The following SKAP2 variants were observed in gnomAD, a reference collection of about 807,000 sequenced individuals.
The protein encoded by SKAP2 is src kinase associated phosphoprotein 2, also known as src kinase-associated phosphoprotein 2.
SKAP2 carries 28 observed loss-of-function variants against 54.9 expected under a neutral mutation model. That is an observed-to-expected ratio of 0.51 (90% CI 0.38 to 0.70). The LOEUF (loss-of-function observed/expected upper bound fraction) is 0.70. Ranked by LOEUF, SKAP2 falls within the 30% of genes least tolerant of loss-of-function variation. The probability of loss-of-function intolerance (pLI) is 0.00; values close to 1 mark genes in which losing one functional copy is unlikely to be tolerated. For missense variants in SKAP2, 356 were observed against 424.1 expected, an observed-to-expected ratio of 0.84 and a Z score of 1.41; for synonymous variants, 137 against 134.3, an observed-to-expected ratio of 1.02 and a Z score of -0.14.
At chr7:26,792,087 T>C (rs1783682391) in intron 4 of SKAP2, among the ~76,000 whole-genome samples, 1 of 152,160 alleles carries the variant, frequency 6.6e-6, no homozygotes, top group African/African-American at 2.4e-5. Context: ...AGAAGCCAGA[T>C]TTCTCTGGCT....
At chr7:26,760,004 C>CAA (rs1782888962) in intron 4 of SKAP2, among the ~76,000 whole-genome samples, 4 of 152,126 alleles carry the variant, frequency 2.6e-5, no homozygotes, top group Admixed American at 1.3e-4. Context: ...AAGTGATGAA[C>CAA]AATACTTTAA....
intron 6 of SKAP2, among the ~76,000 whole-genome samples, chr7:26,735,704 C>T (rs1363573173): frequency 6.6e-6 from 1 of 152,032 alleles, no homozygotes; most frequent in Non-Finnish European, 1.5e-5. Flanking sequence ...GAGTTCTTCC[C>T]ATTAGGTAAA....
chr7:26,787,257 C>T (rs578251602), intron 4 of SKAP2, among the ~76,000 whole-genome samples: 101 of 151,772 alleles, frequency 6.7e-4, no homozygotes, highest in Non-Finnish European at 1.3e-3. Flanking sequence ...CGTTGGCTTA[C>T]GGTTCCGCAG....
intron 4 of SKAP2, among the ~76,000 whole-genome samples, chr7:26,783,806 C>T (rs562924461): frequency 2.0e-5 from 3 of 151,770 alleles, no homozygotes; most frequent in South Asian, 2.1e-4. Flanking sequence ...GTGGGGGGAG[C>T]GGGGAGGGAT....
intron 10 of SKAP2, among the ~76,000 whole-genome samples, chr7:26,687,538 G>GA (rs1009401484): frequency 6.6e-6 from 1 of 151,522 alleles, no homozygotes; most frequent in African/African-American, 2.4e-5. Context: ...TAAGTAGGGG[G>GA]AAAAAAAACC....
At chr7:26,662,550 A>G (rs1786029787), downstream of SKAP2, among the ~76,000 whole-genome samples, 1 of 152,138 alleles carries the variant, frequency 6.6e-6, no homozygotes, top group Admixed American at 6.6e-5. Flanking sequence ...GGGAAAGACT[A>G]TGTCAAATTC....
chr7:26,727,956 T>C (rs1266720816), intron 6 of SKAP2, among the ~76,000 whole-genome samples: 1 of 152,082 alleles, frequency 6.6e-6, no homozygotes, highest in African/African-American at 2.4e-5. Context: ...TGTTGTGGGG[T>C]GTGCTTTCTC....
At chr7:26,858,623 T>C (rs990751592) in intron 1 of SKAP2, among the ~76,000 whole-genome samples, 5 of 152,032 alleles carry the variant, frequency 3.3e-5, no homozygotes, top group Admixed American at 6.6e-5. Context: ...TTTTAACATA[T>C]AGACCTCCTA....
intron 6 of SKAP2, among the ~76,000 whole-genome samples, chr7:26,732,199 G>A (rs1787836916): frequency 6.6e-6 from 1 of 152,142 alleles, no homozygotes; most frequent in Admixed American, 6.6e-5. Flanking sequence ...TCTCCAGTAA[G>A]TAACAAAAGG....
intron 4 of SKAP2, among the ~76,000 whole-genome samples, chr7:26,823,254 C>T (rs890002905): frequency 3.3e-5 from 5 of 151,640 alleles, no homozygotes; most frequent in African/African-American, 9.7e-5. Flanking sequence ...GGTGAAACCT[C>T]GTCTCTACTG....
At chr7:26,753,987 A>C (rs985456810) in intron 4 of SKAP2, among the ~76,000 whole-genome samples, 1 of 152,206 alleles carries the variant, frequency 6.6e-6, no homozygotes, top group Admixed American at 6.6e-5. Flanking sequence ...ACCAACATGA[A>C]GAAACATAAT....
In SKAP2 at chr7:26,815,349, T is replaced by G. The variant is rs538280628; in HGVS notation, c.307+28681A>C. ...ACTAGACAGAATACAATACAGAGAA[T>G]AGAATCTCAAGGTTGACACATAATA... is the stretch of plus-strand genomic sequence containing the variant. On this transcript the variant is annotated intron_variant, in intron 4 of 12. Coordinates refer to ENST00000345317, the MANE Select transcript of SKAP2 (RefSeq NM_003930.5). 2.6e-5 allele frequency among the ~76,000 whole-genome samples: 4 copies of G among 152,282 alleles called. No individual in the cohort carries two copies. The East Asian group carries it at 7.7e-4, about 29-fold the overall frequency.
At chr7:26,815,708 C>G (rs1389978464) in intron 4 of SKAP2, among the ~76,000 whole-genome samples, 1 of 152,052 alleles carries the variant, frequency 6.6e-6, no homozygotes, top group African/African-American at 2.4e-5. Context: ...CAATTACCAC[C>G]AACTCACTAC....
At chr7:26,689,928 G>C (rs1344406883) in intron 10 of SKAP2, among the ~76,000 whole-genome samples, 2 of 152,154 alleles carry the variant, frequency 1.3e-5, no homozygotes. Context: ...TTATAGGTTT[G>C]ACAGCAACTG....
intron 6 of SKAP2, among the ~76,000 whole-genome samples, chr7:26,727,740 C>T (rs977035764): frequency 6.6e-6 from 1 of 152,010 alleles, no homozygotes; most frequent in Non-Finnish European, 1.5e-5. Flanking sequence ...ATTTTAAAGA[C>T]AAGTAAAGTG....
At chr7:26,717,137 G>A (rs1284269254) in intron 9 of SKAP2, among the ~76,000 whole-genome samples, 1 of 152,118 alleles carries the variant, frequency 6.6e-6, no homozygotes, top group Non-Finnish European at 1.5e-5. Context: ...ACAGAGGAAG[G>A]TACTCTGGGT....
At chr7:26,826,153 TTGATTTA>T (rs1437644980) in intron 4 of SKAP2, among the ~76,000 whole-genome samples, 1 of 145,526 alleles carries the variant, frequency 6.9e-6, no homozygotes, top group Non-Finnish European at 1.5e-5. Context: ...GCCACAGTGA[TTGATTTA>T]GAATAAGCAC....
intron 4 of SKAP2, among the ~76,000 whole-genome samples, chr7:26,788,035 A>G (rs1162850232): frequency 6.6e-6 from 1 of 152,164 alleles, no homozygotes; most frequent in Non-Finnish European, 1.5e-5. Context: ...TTCAAATCAT[A>G]TCACCACCTC....
At chr7:26,730,022 C>T (rs1344877407) in intron 6 of SKAP2, among the ~76,000 whole-genome samples, 1 of 151,984 alleles carries the variant, frequency 6.6e-6, no homozygotes, top group African/African-American at 2.4e-5. Context: ...AAAGGTTGAA[C>T]AGAGGAAACT....
Sources: gnomAD v4.1 joint callset for allele counts (sites outside exome capture counted in the v4.1 genomes callset) on GRCh38, gnomAD v4.1.1 for gene constraint, MANE v1.5 for transcripts, NCBI Gene and HGNC (gene_info 2026-07-23, HGNC 2026-07-21) for gene names.